The following UNC5A variants were observed in gnomAD, a reference collection of about 807,000 sequenced individuals.
UNC5A encodes the protein netrin receptor UNC5A.
UNC5A carries 20 observed loss-of-function variants against 87.4 expected under a neutral mutation model. That is an observed-to-expected ratio of 0.23 (90% CI 0.16 to 0.33). UNC5A has a LOEUF of 0.33. Ranked by LOEUF, UNC5A falls within the 10% of genes least tolerant of loss-of-function variation. The pLI, the probability that UNC5A is intolerant of heterozygous loss-of-function variation, is 1.00. For missense variants in UNC5A, 844 were observed against 1,133.4 expected, an observed-to-expected ratio of 0.74 and a Z score of 3.67; for synonymous variants, 438 against 482.3, an observed-to-expected ratio of 0.91 and a Z score of 1.20.
chr5:176,832,276 A>G (rs1043915958), intron 1 of UNC5A, among the ~76,000 whole-genome samples: 1 of 152,108 alleles, frequency 6.6e-6, no homozygotes, highest in African/African-American at 2.4e-5. Flanking sequence ...GATGCAGTAA[A>G]TGAGCTGTGG....
intron 1 of UNC5A, among the ~76,000 whole-genome samples, chr5:176,830,184 A>C (rs990134634): frequency 6.6e-6 from 1 of 152,192 alleles, no homozygotes; most frequent in South Asian, 2.1e-4. Flanking sequence ...GCCTTCAGAC[A>C]GACCACCTCC....
chr5:176,856,036 A>G (rs1055619887), intron 1 of UNC5A, among the ~76,000 whole-genome samples: 2 of 152,174 alleles, frequency 1.3e-5, no homozygotes, highest in African/African-American at 4.8e-5. Context: ...GCCCTGGGGA[A>G]GCAGCACCCA....
rs1757344123 is a variant in UNC5A, at chr5:176,844,115, C to A, written c.71-18509C>A. On this transcript the variant is annotated intron_variant, in intron 1 of 14. Coordinates refer to ENST00000329542, the MANE Select transcript of UNC5A (RefSeq NM_133369.3). This position sits in a 1 kb window ranked among gnomAD's most constrained non-coding sequence, Gnocchi z 4.2. ...CTGAGACATGGAAACGAGTGGAGGGCTGGAGAGAGTTCAGCAAACGGGGCT... is the reference window on the plus strand; with the variant it reads ...CTGAGACATGGAAACGAGTGGAGGGATGGAGAGAGTTCAGCAAACGGGGCT... Among the ~76,000 whole-genome samples, 1 of 152,176 alleles carries A rather than the reference C, an allele frequency of 6.6e-6. No homozygotes were observed. Among genetic ancestry groups the A allele is most frequent in the South Asian group, 2.1e-4 (1 of 4,830 alleles).
At position 176,874,491 on chromosome 5, in the gene UNC5A, C is replaced by T. The variant is rs1004728854; in HGVS notation, c.1303C>T (p.Leu435=). 1.2e-6 allele frequency: 2 copies of T among 1,611,124 alleles called. No individual in the cohort carries two copies. Among genetic ancestry groups the T allele is most frequent in the East Asian group, 2.2e-5 (1 of 44,832 alleles). The change falls in exon 8 of 15, where the codon CTG becomes TTG. Residue 435 remains leucine (L), a synonymous_variant. Transcript: ENST00000329542. This position sits in a 1 kb window ranked among gnomAD's most constrained non-coding sequence, Gnocchi z 7.6. The stretch of plus-strand genomic sequence containing the variant: ...CTCCACCCAGAACTACTTCCGCTCC[C>T]TGCCCCGAGGCACCAGCAACATGAC... The part of the protein sequence containing the change: ...RLSTQNYFRS[L]PRGTSNMTYG...
intron 1 of UNC5A, among the ~76,000 whole-genome samples, chr5:176,835,277 C>T (rs578150429): frequency 9.2e-5 from 14 of 152,356 alleles, no homozygotes; most frequent in South Asian, 2.1e-4. Flanking sequence ...CCTGCAGGCT[C>T]GGAAAGCAGG....
In UNC5A at chr5:176,874,421, C is replaced by T. The variant is rs1230502826; in HGVS notation, c.1233C>T (p.His411=). The T allele has an allele frequency of 6.2e-6, 10 of 1,613,594 alleles. No individual in the cohort carries two copies. The highest frequency in any genetic ancestry group is 1.1e-5 in the South Asian group (1 of 91,034). The change falls in exon 8 of 15, where the codon CAC becomes CAT. Residue 411 remains histidine, a synonymous_variant. Coordinates refer to ENST00000329542, the MANE Select transcript of UNC5A (RefSeq NM_133369.3). This position sits in a 1 kb window ranked among gnomAD's most constrained non-coding sequence, Gnocchi z 7.6. ...TGGGTGGCGGCCGCCACACACTGCACCACAGCTCTCCCACCTCTGAGGCCG... is the reference window on the plus strand; with the variant it reads ...TGGGTGGCGGCCGCCACACACTGCATCACAGCTCTCCCACCTCTGAGGCCG... ...SPLGGGRHTL[H]HSSPTSEAEE... is the part of the protein sequence containing the mutation.
intron 1 of UNC5A, among the ~76,000 whole-genome samples, chr5:176,843,642 C>T (rs917629502): frequency 6.6e-6 from 1 of 152,244 alleles, no homozygotes; most frequent in African/African-American, 2.4e-5. Context: ...TGGAAGTGCT[C>T]GCTGCTCTTA....
In UNC5A at chr5:176,875,780, T is replaced by C. The variant is rs1012450095; in HGVS notation, c.1378+1214T>C. 2.6e-5 allele frequency among the ~76,000 whole-genome samples: 4 copies of C among 151,924 alleles called. No homozygotes were observed. Among genetic ancestry groups the C allele is most frequent in the Non-Finnish European group, 4.4e-5 (3 of 67,960 alleles). On this transcript the variant is annotated intron_variant, in intron 8 of 14. Coordinates refer to ENST00000329542, the MANE Select transcript of UNC5A (RefSeq NM_133369.3). The surrounding 1 kb of genome is among the most constrained non-coding windows in gnomAD (Gnocchi z 5.2). ...CACGGCAGCCACCATGGACTCAACA[T>C]CCCCGACACACGGTGCTGCCCTCTG...
At chr5:176,812,805 T>G (rs1756494330) in intron 1 of UNC5A, among the ~76,000 whole-genome samples, 1 of 151,978 alleles carries the variant, frequency 6.6e-6, no homozygotes, top group African/African-American at 2.4e-5. Flanking sequence ...GGCCATGGGG[T>G]GGGGAGGGGC....
intron 1 of UNC5A, among the ~76,000 whole-genome samples, chr5:176,829,328 T>TGGATGG (rs1756938962): frequency 3.2e-5 from 3 of 93,354 alleles, no homozygotes; most frequent in Admixed American, 1.2e-4. Flanking sequence ...ATGTATGAAA[T>TGGATGG]ATGGATGGAT....
intron 1 of UNC5A, among the ~76,000 whole-genome samples, chr5:176,856,778 C>T (rs1757677517): frequency 6.6e-6 from 1 of 152,168 alleles, no homozygotes; most frequent in African/African-American, 2.4e-5. Flanking sequence ...CCCCTCCCCT[C>T]CCACTCCTCA....
chr5:176,852,612 G>A (rs1757571266), intron 1 of UNC5A, among the ~76,000 whole-genome samples: 1 of 152,164 alleles, frequency 6.6e-6, no homozygotes, highest in Non-Finnish European at 1.5e-5. Context: ...TGCTTATTTA[G>A]ACCTCAGCTT....
chr5:176,814,491 G>A (rs1756541137), intron 1 of UNC5A, among the ~76,000 whole-genome samples: 1 of 152,136 alleles, frequency 6.6e-6, no homozygotes. Context: ...CGTTGGCTCT[G>A]TCCAGACCTG....
At chr5:176,862,460 G>T (rs571808400) in intron 1 of UNC5A, among the ~76,000 whole-genome samples, 164 bp from the exon 2 acceptor site, 2 of 152,200 alleles carry the variant, frequency 1.3e-5, no homozygotes, top group Non-Finnish European at 2.9e-5. Flanking sequence ...AGGCCCGGGT[G>T]GGGGATGGTC....
intron 1 of UNC5A, among the ~76,000 whole-genome samples, chr5:176,816,038 T>A (rs1756578292): frequency 6.6e-6 from 1 of 152,262 alleles, no homozygotes; most frequent in Non-Finnish European, 1.5e-5. Flanking sequence ...TCTCTGCTAT[T>A]TGATTGCTGT....
chr5:176,868,518 T>C (rs924540691), intron 3 of UNC5A, 43 bp from the exon 4 acceptor site: 3 of 1,556,398 alleles, frequency 1.9e-6, no homozygotes, highest in Non-Finnish European at 2.6e-6. Context: ...GCTGAGCCTG[T>C]GCGAGGCCCT....
intron 1 of UNC5A, among the ~76,000 whole-genome samples, chr5:176,829,181 GAT>G: frequency 1.2e-4 from 3 of 24,670 alleles, no homozygotes; most frequent in East Asian, 6.8e-3. Context: ...TGGATGGATG[GAT>G]GGATGGATGG....
At chr5:176,814,189 C>T (rs1233080536) in intron 1 of UNC5A, among the ~76,000 whole-genome samples, 1 of 152,202 alleles carries the variant, frequency 6.6e-6, no homozygotes. Context: ...CTAAGGCATC[C>T]CCTGGCATCC....
chr5:176,822,185 C>T (rs893129075), intron 1 of UNC5A, among the ~76,000 whole-genome samples: 6 of 152,388 alleles, frequency 3.9e-5, no homozygotes, highest in Admixed American at 2.0e-4. Context: ...CTGATGCCGG[C>T]TCACAGTAAA....
Sources: gnomAD v4.1 joint callset for allele counts (sites outside exome capture counted in the v4.1 genomes callset) on GRCh38, gnomAD v4.1.1 for gene constraint, Gnocchi (gnomAD v3.1) non-coding constraint, MANE v1.5 for transcripts, NCBI Gene and HGNC (gene_info 2026-07-23, HGNC 2026-07-21) for gene names.